Variants in KCNK2 observed in about 807,000 individuals in gnomAD.
KCNK2 encodes potassium channel subfamily K member 2.
In KCNK2, 21 loss-of-function variants were observed where a neutral mutation model predicts 40.5. The observed-to-expected ratio is 0.52, with a 90% CI of 0.37 to 0.75. The LOEUF is 0.75. Among genes scored for constraint, KCNK2 ranks in the 30% least tolerant of loss-of-function variants. The probability of loss-of-function intolerance (pLI) is 0.00; values close to 1 mark genes in which losing one functional copy is unlikely to be tolerated. For missense variants in KCNK2, 399 were observed against 531.6 expected (o/e 0.75, Z 2.45); for synonymous variants, 191 against 202.2 (o/e 0.94, Z 0.47).
intron 1 of KCNK2, among the ~76,000 whole-genome samples, chr1:215,031,068 G>A (rs1657172717): frequency 6.6e-6 from 1 of 152,064 alleles, no homozygotes; most frequent in Non-Finnish European, 1.5e-5. Context: ...ATATGGGTCT[G>A]TTTCTGGGCT....
chr1:215,193,933 A>T (rs1393374105), intron 5 of KCNK2, among the ~76,000 whole-genome samples: 11 of 152,014 alleles, frequency 7.2e-5, no homozygotes, highest in Admixed American at 7.2e-4. Flanking sequence ...ATTACCTAAG[A>T]CTCACTTTTC....
chr1:215,043,724 T>C (rs1209660197), intron 1 of KCNK2, among the ~76,000 whole-genome samples: 2 of 152,188 alleles, frequency 1.3e-5, no homozygotes, highest in African/African-American at 4.8e-5. Context: ...TGATGGTAGA[T>C]GCTTGCACAA....
At chr1:215,025,623 A>G (rs1015563198) in intron 1 of KCNK2, among the ~76,000 whole-genome samples, 1 of 152,052 alleles carries the variant, frequency 6.6e-6, no homozygotes, top group African/African-American at 2.4e-5. Flanking sequence ...TTTTGTCATT[A>G]TTTGCACTAC....
chr1:215,009,310 A>G (rs960061769), intron 1 of KCNK2, among the ~76,000 whole-genome samples: 3 of 152,166 alleles, frequency 2.0e-5, no homozygotes, highest in African/African-American at 7.2e-5. Context: ...TTTACACATC[A>G]CAGATATGAA....
rs186106037 is a variant in KCNK2, at chr1:215,087,337, A to G, written c.357+659A>G. The stretch of plus-strand genomic sequence containing the variant: ...AAGAGAAATTTACTAGTACACAGAA[A>G]AAGAGTTTTTGAATAAAACTAACTT... On this transcript the variant is annotated intron_variant, in intron 2 of 6. Transcript: ENST00000444842. Among the ~76,000 whole-genome samples the G allele has an allele frequency of 2.6e-3, 389 of 152,388 alleles. 1 individual carries two copies. The highest frequency in any genetic ancestry group is 3.5e-3 in the Non-Finnish European group (240 of 68,042).
intron 2 of KCNK2, among the ~76,000 whole-genome samples, chr1:215,107,139 A>G (rs1432423901): frequency 1.3e-5 from 2 of 151,448 alleles, no homozygotes; most frequent in Non-Finnish European, 2.9e-5. Context: ...TGATGTTTTT[A>G]ATTTGATAGG....
chr1:215,136,331 A>C (rs946892220), intron 3 of KCNK2, among the ~76,000 whole-genome samples: 6 of 150,822 alleles, frequency 4.0e-5, no homozygotes, highest in African/African-American at 1.5e-4. Flanking sequence ...TCCTGAGCTC[A>C]AGCAGTCCAC....
intron 6 of KCNK2, among the ~76,000 whole-genome samples, chr1:215,231,942 A>G (rs1268748505): frequency 6.6e-6 from 1 of 152,176 alleles, no homozygotes; most frequent in Non-Finnish European, 1.5e-5. Context: ...CATGAGAACA[A>G]CACGGGAAAG....
chr1:215,039,297 A>G (rs1477751829), intron 1 of KCNK2, among the ~76,000 whole-genome samples: 2 of 152,130 alleles, frequency 1.3e-5, no homozygotes, highest in South Asian at 4.1e-4. Context: ...TTAACAAGCT[A>G]ATCTTGAAAA....
intron 1 of KCNK2, among the ~76,000 whole-genome samples, chr1:215,032,441 T>C (rs1657236277): frequency 6.6e-6 from 1 of 152,044 alleles, no homozygotes; most frequent in Non-Finnish European, 1.5e-5. Context: ...CAGTAAACTT[T>C]TTTTTTATAA....
At chr1:215,173,812 G>T (rs1186611598) in intron 5 of KCNK2, among the ~76,000 whole-genome samples, 1 of 152,124 alleles carries the variant, frequency 6.6e-6, no homozygotes, top group Non-Finnish European at 1.5e-5. Context: ...CTTGTTGATG[G>T]GGTTGTTTGT....
chr1:215,124,885 GA>G, intron 3 of KCNK2, 135 bp downstream of exon 3: 1 of 648,400 alleles, frequency 1.5e-6, no homozygotes, highest in Non-Finnish European at 2.8e-6. Flanking sequence ...AATTGATTTT[GA>G]AAAGGGGATT....
At chr1:215,111,447 T>G (rs1056106403) in intron 2 of KCNK2, among the ~76,000 whole-genome samples, 1 of 152,152 alleles carries the variant, frequency 6.6e-6, no homozygotes, top group African/African-American at 2.4e-5. Flanking sequence ...TTTAAATTAT[T>G]TTTTTCCTTT....
At chr1:215,219,429 CT>C in intron 6 of KCNK2, among the ~76,000 whole-genome samples, 1 of 152,210 alleles carries the variant, frequency 6.6e-6, no homozygotes, top group East Asian at 1.9e-4. Context: ...AATTTAAACA[CT>C]GACATTTAAT....
intron 2 of KCNK2, among the ~76,000 whole-genome samples, chr1:215,108,695 G>A (rs549553600): frequency 1.3e-5 from 2 of 151,666 alleles, no homozygotes; most frequent in South Asian, 4.2e-4. Context: ...ATTAAGCAGG[G>A]CTATTTTTAA....
rs146154265 is a variant in KCNK2, at chr1:215,142,061, A to G, written c.475+17311A>G. On this transcript the variant is annotated intron_variant, in intron 3 of 6. Transcript: ENST00000444842. ...TCTTTTATATTCTGTGAGCTGCATCACTGACTTGAGTTTGTACTATTTCTC... is the reference window on the plus strand; with the variant it reads ...TCTTTTATATTCTGTGAGCTGCATCGCTGACTTGAGTTTGTACTATTTCTC... Among the ~76,000 whole-genome samples, 40 of 152,112 alleles carry G rather than the reference A, an allele frequency of 2.6e-4. No homozygotes were observed. In the East Asian group the frequency reaches 7.5e-3, roughly 29 times the overall value.
Position 215,011,731 on chromosome 1 carries a change from G to A in KCNK2, c.34+5776G>A, listed in dbSNP as rs150369143. ...AGTGATTCTCCCGCTTCAGCCTCCC[G>A]AGTAGCTGGGACTACAGGCGCGTGC... is the stretch of plus-strand genomic sequence containing the variant. On this transcript the variant is annotated intron_variant, in intron 1 of 6. Transcript: ENST00000391895. Among the ~76,000 whole-genome samples, 682 of 152,088 alleles carry A rather than the reference G, an allele frequency of 4.5e-3. 5 individuals are homozygous for A. Among genetic ancestry groups the A allele is most frequent in the African/African-American group, 0.016 (655 of 41,490 alleles).
chr1:215,066,549 G>T (rs1237023728), intron 1 of KCNK2, among the ~76,000 whole-genome samples: 1 of 152,154 alleles, frequency 6.6e-6, no homozygotes, highest in African/African-American at 2.4e-5. Context: ...GAATCTGGTG[G>T]CTGTGGGGCT....
chr1:215,007,017 A>G (rs1456554971), intron 1 of KCNK2, among the ~76,000 whole-genome samples: 1,145 of 23,364 alleles, frequency 0.049, 57 homozygotes, highest in African/African-American at 0.085. Flanking sequence ...ATATATATAT[A>G]TATATATATA....
Sources: allele counts gnomAD v4.1 joint callset (sites outside exome capture counted in the v4.1 genomes callset), GRCh38; gene constraint gnomAD v4.1.1; transcripts MANE v1.5; gene names NCBI Gene and HGNC (gene_info 2026-07-23, HGNC 2026-07-21).